Variants in ERBB4 observed in about 807,000 individuals in gnomAD.
The protein encoded by ERBB4 is erb-b2 receptor tyrosine kinase 4.
Under a neutral mutation model 158.0 loss-of-function variants are expected in ERBB4, and 42 were observed. The observed-to-expected ratio is 0.27, with a 90% CI of 0.21 to 0.34. ERBB4 has a LOEUF of 0.34. ERBB4 is among the 10% of genes least tolerant of loss of function. The pLI is 1.00. For missense variants in ERBB4, 1,333 were observed against 1,624.1 expected, an observed-to-expected ratio of 0.82 and a Z score of 3.08; for synonymous variants, 583 against 558.7, an observed-to-expected ratio of 1.04 and a Z score of -0.61.
intron 20 of ERBB4, among the ~76,000 whole-genome samples, chr2:211,489,782 C>T (rs1268935425): frequency 1.3e-5 from 2 of 151,862 alleles, no homozygotes; most frequent in Non-Finnish European, 2.9e-5. Context: ...TTCATTCATT[C>T]ATTCATTCAT....
intron 1 of ERBB4, among the ~76,000 whole-genome samples, chr2:212,133,913 C>T (rs1463243929): frequency 6.6e-6 from 1 of 152,182 alleles, no homozygotes; most frequent in Non-Finnish European, 1.5e-5. Context: ...CACTTCATCA[C>T]TTTGAGTCTT....
chr2:212,419,544 C>A (rs1168769998), intron 1 of ERBB4, among the ~76,000 whole-genome samples: 1 of 151,766 alleles, frequency 6.6e-6, no homozygotes, highest in African/African-American at 2.4e-5. Context: ...TATACATATA[C>A]ATATAAATGT....
rs535746880 is a variant in ERBB4 at position 211,398,260 on chromosome 2, T to TAACC, written c.3136-10272_3136-10269dup. Among the ~76,000 whole-genome samples, 394 of 152,250 alleles carry TAACC rather than the reference T, an allele frequency of 2.6e-3. 2 individuals are homozygous for TAACC. The highest frequency in any genetic ancestry group is 4.8e-3 in the Admixed American group (73 of 15,276). ...CAAACCTCTTAATACCCCCAGAATC[T>TAACC]AACCATTCTCTTCATCCTCATGGCC... On this transcript the variant is annotated intron_variant, in intron 25 of 27. Coordinates refer to ENST00000342788, the MANE Select transcript of ERBB4 (RefSeq NM_005235.3).
At chr2:212,038,958 T>C (rs1382743840) in intron 2 of ERBB4, among the ~76,000 whole-genome samples, 1 of 152,140 alleles carries the variant, frequency 6.6e-6, no homozygotes, top group Non-Finnish European at 1.5e-5. Flanking sequence ...ATATAGGTTT[T>C]GTTTAGAGAA....
intron 12 of ERBB4, among the ~76,000 whole-genome samples, chr2:211,695,629 G>A (rs13024094): frequency 0.15 from 23,190 of 151,916 alleles, 2,410 homozygotes; most frequent in Non-Finnish European, 0.21. Context: ...TCAATGTCTA[G>A]CCTCCTGTTA....
intron 1 of ERBB4, among the ~76,000 whole-genome samples, chr2:212,445,414 AGAGG>A (rs1355345573): frequency 7.2e-5 from 11 of 152,138 alleles, no homozygotes; most frequent in African/African-American, 2.7e-4. Context: ...TCTTCGATCC[AGAGG>A]GAGGAATGCT....
rs1000919233 is a variant in ERBB4, at chr2:212,422,716, A to G, written c.82+115733T>C. Among the ~76,000 whole-genome samples, 6 of 152,256 alleles carry G rather than the reference A, an allele frequency of 3.9e-5. No individual in the cohort carries two copies. In the South Asian group the frequency reaches 1.2e-3, roughly 31 times the overall value. ...CATCAGTGATCTACCATTATAAGAT[A>G]TAAAAGACTAGTAGATTCTATTCAT... On this transcript the variant is annotated intron_variant, in intron 1 of 27. Transcript: ENST00000342788.
chr2:212,209,264 A>G (rs1281605631), intron 1 of ERBB4, among the ~76,000 whole-genome samples: 1 of 152,222 alleles, frequency 6.6e-6, no homozygotes, highest in African/African-American at 2.4e-5. Context: ...GAATGGTAAG[A>G]CATTAATCAC....
chr2:211,385,124 A>G (rs2062658890), intron 27 of ERBB4, among the ~76,000 whole-genome samples: 1 of 152,126 alleles, frequency 6.6e-6, no homozygotes, highest in Admixed American at 6.5e-5. Flanking sequence ...TTTTATCCTT[A>G]GCCCAATAAG....
At chr2:212,317,612 A>C (rs2087350207) in intron 1 of ERBB4, among the ~76,000 whole-genome samples, 1 of 151,618 alleles carries the variant, frequency 6.6e-6, no homozygotes, top group Non-Finnish European at 1.5e-5. Flanking sequence ...CTAAACATTT[A>C]ATTTCACAGA....
At chr2:212,401,538 G>C (rs1349049673) in intron 1 of ERBB4, among the ~76,000 whole-genome samples, 2 of 152,046 alleles carry the variant, frequency 1.3e-5, no homozygotes, top group African/African-American at 4.8e-5. Flanking sequence ...TGGTATAACA[G>C]TTTTTGCAAG....
chr2:211,737,403 T>C (rs1357023358), intron 5 of ERBB4, among the ~76,000 whole-genome samples: 1 of 152,162 alleles, frequency 6.6e-6, no homozygotes, highest in Non-Finnish European at 1.5e-5. Flanking sequence ...TCCCACTTCT[T>C]CTTGTCTCTC....
At chr2:211,997,470 G>A (rs544776717) in intron 2 of ERBB4, among the ~76,000 whole-genome samples, 7 of 152,014 alleles carry the variant, frequency 4.6e-5, no homozygotes, top group Non-Finnish European at 1.0e-4. Context: ...TAAAATAAAT[G>A]ATAAATTCAA....
In ERBB4 at chr2:211,382,591, A is replaced by C. The variant is rs16846004; in HGVS notation, c.*1024T>G. On this transcript the variant is annotated 3_prime_UTR_variant, in exon 28 of 28. Transcript: ENST00000342788. Reference sequence around the variant, plus strand: ...ATACCCAATCCAGTGTGTTTCTTCCAGTTCAATGGATTCCCTCATTGGGCC... The same window carrying C: ...ATACCCAATCCAGTGTGTTTCTTCCCGTTCAATGGATTCCCTCATTGGGCC... 1,014 of 233,100 alleles carry C rather than the reference A, an allele frequency of 4.4e-3. 14 individuals carry two copies. Among genetic ancestry groups the C allele is most frequent in the African/African-American group, 0.021 (949 of 45,446 alleles). The allele number at this position is 233,100 out of a possible 1,614,324, so 14.4% of individuals were successfully genotyped here. A position where few individuals can be genotyped will look rare whatever the true frequency, so the allele number is the denominator to read the frequency against.
At chr2:212,520,931 TAATA>T (rs1038493688) in intron 1 of ERBB4, among the ~76,000 whole-genome samples, 2 of 151,958 alleles carry the variant, frequency 1.3e-5, no homozygotes, top group African/African-American at 4.8e-5. Context: ...CCTGATTCCT[TAATA>T]AATGTGAAAA....
intron 12 of ERBB4, among the ~76,000 whole-genome samples, chr2:211,681,190 T>G (rs1388885557): frequency 1.3e-5 from 2 of 152,198 alleles, no homozygotes; most frequent in Non-Finnish European, 2.9e-5. Flanking sequence ...TATCAATAGT[T>G]TATTCACTTT....
chr2:212,086,066 A>G (rs1003241441), intron 2 of ERBB4, among the ~76,000 whole-genome samples: 1 of 151,982 alleles, frequency 6.6e-6, no homozygotes, highest in African/African-American at 2.4e-5. Context: ...ATTGCTATCA[A>G]CTGGCTTCAG....
chr2:211,417,670 T>G (rs2063424242), intron 25 of ERBB4, among the ~76,000 whole-genome samples: 1 of 152,096 alleles, frequency 6.6e-6, no homozygotes, highest in Admixed American at 6.6e-5. Flanking sequence ...ATTGAAAAAA[T>G]CAAAAGCACT....
chr2:212,274,497 C>A (rs573551950), intron 1 of ERBB4, among the ~76,000 whole-genome samples: 1 of 151,914 alleles, frequency 6.6e-6, no homozygotes, highest in Admixed American at 6.6e-5. Context: ...TTAAGCTCAC[C>A]ACAATAGCAA....
Sources: allele counts gnomAD v4.1 joint callset (sites outside exome capture counted in the v4.1 genomes callset), GRCh38; gene constraint gnomAD v4.1.1; transcripts MANE v1.5; gene names NCBI Gene and HGNC (gene_info 2026-07-23, HGNC 2026-07-21).